IZUMO3: variants seen among roughly 807,000 people sequenced by gnomAD.
IZUMO3 encodes izumo sperm-egg fusion protein 3.
In IZUMO3, 36 loss-of-function variants were observed where a neutral mutation model predicts 28.4. The ratio of observed to expected loss-of-function variants is 1.27; its 90% confidence interval spans 0.97 to 1.67. The LOEUF is 1.67. IZUMO3 is among the 40% of genes most tolerant of loss of function. The pLI, the probability that IZUMO3 is intolerant of heterozygous loss-of-function variation, is 0.00. For missense variants in IZUMO3, 387 were observed against 278.5 expected, an observed-to-expected ratio of 1.39 and a Z score of -2.77; for synonymous variants, 126 against 99.2, an observed-to-expected ratio of 1.27 and a Z score of -1.61.
chr9:24,545,496 C>G lies in IZUMO3; in HGVS notation c.154G>C (p.Glu52Gln). The G allele has an allele frequency of 2.0e-6, 3 of 1,535,514 alleles. No homozygotes were observed. Among genetic ancestry groups the G allele is most frequent in the Non-Finnish European group, 2.6e-6 (3 of 1,146,702 alleles). ...TGAATCATCTCCTTAATCTGCCGTT[C>G]AAGCAGCTGAGTTCGGCCGGGGACT... ...SEVPGRTQLL[E>Q]RQIKEMIHLS... The change falls in exon 1 of 7, where the codon GAA becomes CAA. Residue 52 changes from glutamate to glutamine, a missense_variant. Glu to Gln is a conservative substitution (Grantham distance 29, BLOSUM62 2). Transcript: ENST00000543880.
chr9:24,544,266 G>A lies in IZUMO3; in HGVS notation c.425C>T (p.Pro142Leu), dbSNP rs1347539506. Reference protein sequence around the residue: ...CSEDCIVVEGPILDCWTCLRM... With the variant: ...CSEDCIVVEGLILDCWTCLRM... ...AAGACACGTCCAACAATCAAGAATGGGACCTTCAACCACAACTGATAAAGA... is the reference window on the plus strand; with the variant it reads ...AAGACACGTCCAACAATCAAGAATGAGACCTTCAACCACAACTGATAAAGA... Residue 142 changes from proline to leucine, a missense_variant, in exon 5 of 7, where the codon CCC becomes CTC. By Grantham distance (98) the Pro-to-Leu change is moderately conservative (BLOSUM62 -3). Coordinates refer to ENST00000543880, the MANE Select transcript of IZUMO3 (RefSeq NM_001365008.2). 3.9e-6 allele frequency: 6 copies of A among 1,549,770 alleles called. No homozygotes were observed. The East Asian group carries it at 9.8e-5, about 25-fold the overall frequency.
chr9:24,545,085 C>CA, intron 2 of IZUMO3, 24 bp from the exon 3 acceptor site: 1 of 1,505,950 alleles, frequency 6.6e-7, no homozygotes, highest in Non-Finnish European at 9.0e-7. Flanking sequence ...GAAGGGGTGT[C>CA]AAAAAATAGA....
rs1587172318 is a variant in IZUMO3, at chr9:24,545,250, T to C, written c.263A>G (p.Lys88Arg). The change falls in exon 2 of 7, where the codon AAG (lysine) becomes AGG (arginine). Residue 88 changes from lysine (K) to arginine (R), a missense_variant. Lys to Arg is a conservative substitution (Grantham distance 26). Transcript: ENST00000543880. ...QQVVKLRTWL[K>R]NEFYKLGNET... Reference sequence around the variant, plus strand: ...ATTGCCCAGTTTATAAAATTCATTCTTCAACCATGTTCTCAACTTAACAAC... The same window carrying C: ...ATTGCCCAGTTTATAAAATTCATTCCTCAACCATGTTCTCAACTTAACAAC... The C allele has an allele frequency of 1.3e-6, 2 of 1,550,430 alleles. No homozygotes were observed. Among genetic ancestry groups the C allele is most frequent in the East Asian group, 2.4e-5 (1 of 40,906 alleles).
Position 24,545,541 on chromosome 9 carries a change from C to A in IZUMO3, c.109G>T (p.Gly37Ter). Residue 37 changes from glycine (G) to a stop codon, truncating the protein, a stop_gained, in exon 1 of 7, where the codon GGA becomes TGA. Coordinates refer to ENST00000543880, the MANE Select transcript of IZUMO3 (RefSeq NM_001365008.2). LOFTEE classifies it high-confidence loss of function. ...KFIEDVGSLL[G>*]NLIPSEVPGR... ...GGGACTTCTGAAGGTATCAGATTTC[C>A]CAGCAAGGAGCCAACATCCTCTATA... The A allele has an allele frequency of 6.5e-7, 1 of 1,535,312 alleles. No individual in the cohort carries two copies. The highest frequency in any genetic ancestry group is 8.7e-7 in the Non-Finnish European group (1 of 1,146,712).
At chr9:24,543,792 G>A (rs1219173020) in intron 5 of IZUMO3, 38 bp from the exon 6 acceptor site, 1 of 1,333,712 alleles carries the variant, frequency 7.5e-7, no homozygotes. Flanking sequence ...AGTGAGTTTT[G>A]GAGAAGAGAA....
chr9:24,544,945 T>G (rs776625350), intron 3 of IZUMO3, 27 bp downstream of exon 3: 18 of 1,467,362 alleles, frequency 1.2e-5, no homozygotes, highest in Non-Finnish European at 1.6e-5. Flanking sequence ...ATAACTTCAG[T>G]GCTGTTATAT....
intron 3 of IZUMO3, 52 bp downstream of exon 3, chr9:24,544,920 T>C (rs879330792): frequency 3.3e-4 from 470 of 1,405,996 alleles, no homozygotes; most frequent in Non-Finnish European, 4.3e-4. Context: ...ATCCCGCATT[T>C]TCTATTCCCT....
Position 24,544,186 on chromosome 9 carries a change from C to T in IZUMO3, c.490+15G>A, listed in dbSNP as rs7862434. ...TCCCTGTCCCTTCAAAATTCCATACCATGATCTTTGTTACCTCCACAATAT... is the reference window on the plus strand; with the variant it reads ...TCCCTGTCCCTTCAAAATTCCATACTATGATCTTTGTTACCTCCACAATAT... On this transcript the variant is annotated intron_variant, in intron 5 of 6. Transcript: ENST00000543880. The T allele has an allele frequency of 1.0e-4, 152 of 1,526,174 alleles. No individual in the cohort carries two copies. The African/African-American group carries it at 1.7e-3, about 17-fold the overall frequency. 94.5% of individuals were successfully genotyped at this position (1,526,174 alleles called of 1,614,324 possible).
intron 6 of IZUMO3, 30 bp from the exon 7 acceptor site, chr9:24,543,397 T>A (rs942968734): frequency 7.5e-7 from 1 of 1,340,656 alleles, no homozygotes; most frequent in Non-Finnish European, 9.9e-7. Context: ...TAATTCCAAC[T>A]TCAATATCAG....
chr9:24,545,283 A>T lies in IZUMO3; in HGVS notation c.230T>A (p.Val77Asp). 6.5e-7 allele frequency: 1 copy of T among 1,550,246 alleles called. No individual in the cohort carries two copies. Among genetic ancestry groups the T allele is most frequent in the Non-Finnish European group, 8.7e-7 (1 of 1,146,736 alleles). Reference sequence around the variant, plus strand: ...TGTTCTCAACTTAACAACCTGCTGAACAGCTAGAGAGGGAGAGTAAAGGTA... The same window carrying T: ...TGTTCTCAACTTAACAACCTGCTGATCAGCTAGAGAGGGAGAGTAAAGGTA... The part of the protein sequence containing the change: ...HSDKRLRVLA[V>D]QQVVKLRTWL... Residue 77 changes from valine (V) to aspartate (D), a missense_variant, in exon 2 of 7, where the codon GTT becomes GAT. Physicochemically the swap from Val to Asp is radical, Grantham distance 152. Coordinates refer to ENST00000543880, the MANE Select transcript of IZUMO3 (RefSeq NM_001365008.2).
chr9:24,545,471 T>C lies in IZUMO3; in HGVS notation c.179A>G (p.His60Arg), dbSNP rs915457148. ...LLERQIKEMI[H>R]LSFKVSHSDK... Reference sequence around the variant, plus strand: ...ACTGTGGGAGACCTTGAAGCTTAAATGAATCATCTCCTTAATCTGCCGTTC... The same window carrying C: ...ACTGTGGGAGACCTTGAAGCTTAAACGAATCATCTCCTTAATCTGCCGTTC... Residue 60 changes from histidine (H) to arginine (R), a missense_variant, in exon 1 of 7, where the codon CAT becomes CGT. Coordinates refer to ENST00000543880, the MANE Select transcript of IZUMO3 (RefSeq NM_001365008.2). The C allele has an allele frequency of 1.4e-5, 21 of 1,536,110 alleles. No homozygotes were observed. The Admixed American group carries it at 3.9e-4, about 29-fold the overall frequency.
In IZUMO3 at chr9:24,543,738, C is replaced by G. The variant is rs746269639; in HGVS notation, c.507G>C (p.Lys169Asn). Residue 169 changes from lysine to asparagine, a missense_variant, in exon 6 of 7, where the codon AAG becomes AAC. Transcript: ENST00000543880. ...GEYCGDEDPRKAENREIALFL... is the reference protein window; with the variant it reads ...GEYCGDEDPRNAENREIALFL... ...ATAGAGCAATCTCTCGATTCTCAGC[C>G]TTTCTTGGATCCTCGTCTGGAAGGA... 6.5e-7 allele frequency: 1 copy of G among 1,548,656 alleles called. No individual in the cohort carries two copies. The highest frequency in any genetic ancestry group is 1.2e-5 in the South Asian group (1 of 83,994).
rs912037089 is a variant in IZUMO3, at chr9:24,545,677, G to T, written c.-28C>A. Reference sequence around the variant, plus strand: ...CTTTCTTCACCCCCGCTCCCCGACAGCAGGTTGTCCTGGCAACTAGTTCAC... The same window carrying T: ...CTTTCTTCACCCCCGCTCCCCGACATCAGGTTGTCCTGGCAACTAGTTCAC... On this transcript the variant is annotated 5_prime_UTR_variant, in exon 1 of 7. In the 5' UTR this introduces an upstream ATG that the reference lacks. Transcript: ENST00000543880. 1.3e-6 allele frequency: 2 copies of T among 1,534,802 alleles called. No homozygotes were observed. The highest frequency in any genetic ancestry group is 1.9e-4 in the Middle Eastern group (1 of 5,224).
In IZUMO3 at chr9:24,543,138, T is replaced by A; in HGVS notation, c.*91A>T. 9.7e-7 allele frequency: 1 copy of A among 1,030,634 alleles called. No individual in the cohort carries two copies. The highest frequency in any genetic ancestry group is 1.3e-6 in the Non-Finnish European group (1 of 751,142). 63.8% of individuals were successfully genotyped at this position (1,030,634 alleles called of 1,614,324 possible). On this transcript the variant is annotated 3_prime_UTR_variant, in exon 7 of 7. Coordinates refer to ENST00000543880, the MANE Select transcript of IZUMO3 (RefSeq NM_001365008.2). ...ATTTCAGTTTTAAAATACTATGACT[T>A]TATGACCAAGAAAGGGTTTACCTCC...
intron 1 of IZUMO3, 66 bp downstream of exon 1, chr9:24,545,358 G>C: frequency 6.5e-7 from 1 of 1,547,120 alleles, no homozygotes; most frequent in Non-Finnish European, 8.7e-7. Flanking sequence ...AGACCCAGGT[G>C]TTCTCTTCCT....
intron 3 of IZUMO3, 104 bp downstream of exon 3, chr9:24,544,868 C>A (rs973236863): frequency 7.5e-7 from 1 of 1,326,916 alleles, no homozygotes; most frequent in African/African-American, 1.5e-5. Context: ...ACCTCTCCAC[C>A]CATTCTAAAT....
intron 3 of IZUMO3, 55 bp from the exon 4 acceptor site, chr9:24,544,815 A>T: frequency 6.6e-7 from 1 of 1,506,818 alleles, no homozygotes; most frequent in African/African-American, 1.4e-5. Flanking sequence ...AGTTTGCCAT[A>T]TTTATACCCA....
chr9:24,543,998 T>C (rs1451321847), intron 5 of IZUMO3, among the ~76,000 whole-genome samples: 1 of 152,118 alleles, frequency 6.6e-6, no homozygotes, highest in Non-Finnish European at 1.5e-5. Flanking sequence ...CCTCTTCATT[T>C]CTCAGCCTTT....
In IZUMO3 at chr9:24,543,668, A is replaced by G; in HGVS notation, c.577T>C (p.Leu193=). Residue 193 remains leucine, a synonymous_variant, in exon 6 of 7, where the codon TTA becomes CTA. Transcript: ENST00000543880. ...ATAVILGSAV[L]LFHFCIFHRR... ...ATTTGGAGAGAAGAAACTCACAGTA[A>G]CACAGCACTTCCCAGTATTACAGCT... 2 of 1,542,686 alleles carry G rather than the reference A, an allele frequency of 1.3e-6. No individual in the cohort carries two copies. The highest frequency in any genetic ancestry group is 2.4e-5 in the South Asian group (2 of 83,862).
Sources: allele counts gnomAD v4.1 joint callset (sites outside exome capture counted in the v4.1 genomes callset), GRCh38; gene constraint gnomAD v4.1.1; transcripts MANE v1.5; gene names NCBI Gene and HGNC (gene_info 2026-07-23, HGNC 2026-07-21).